The following OSGEP variants were observed in gnomAD, a reference collection of about 807,000 sequenced individuals.
OSGEP encodes tRNA N6-adenosine threonylcarbamoyltransferase.
A neutral mutation model predicts 44.1 loss-of-function variants in OSGEP; 39 were observed. That is an observed-to-expected ratio of 0.88 (90% confidence interval 0.69 to 1.16). The LOEUF is 1.16. Among genes scored for constraint, OSGEP ranks in the 50% most tolerant of loss-of-function variants. The probability of loss-of-function intolerance (pLI) is 0.00; values close to 1 mark genes in which losing one functional copy is unlikely to be tolerated. For missense variants in OSGEP, 403 were observed against 443.1 expected, an observed-to-expected ratio of 0.91 and a Z score of 0.81; for synonymous variants, 139 against 161.9, an observed-to-expected ratio of 0.86 and a Z score of 1.07.
chr14:20,449,622 C>T (rs1024331516), intron 3 of OSGEP: 4 of 259,600 alleles, frequency 1.5e-5, no homozygotes, highest in Non-Finnish European at 2.3e-5. Context: ...ATGAATCCTT[C>T]TAAATTATGA....
In OSGEP at chr14:20,449,213, A is replaced by G. The variant is rs751795666; in HGVS notation, c.465T>C (p.Ile155=). 14 of 1,613,450 alleles carry G rather than the reference A, an allele frequency of 8.7e-6. 2 individuals carry two copies. The highest frequency in any genetic ancestry group is 5.0e-5 in the Admixed American group (3 of 60,008). The change falls in exon 4 of 11, where the codon ATT becomes ATC. Residue 155 remains isoleucine, a synonymous_variant. Coordinates refer to ENST00000206542, the MANE Select transcript of OSGEP (RefSeq NM_017807.4). ...RYRIFGETID[I]AVGNCLDRFA... is the part of the protein sequence containing the mutation. ...AACGATCCAGACAATTACCCACTGC[A>G]ATATCGATGGTTTCCCCAAAGATAC...
chr14:20,452,638 CTCT>C (rs1451332196), intron 1 of OSGEP, among the ~76,000 whole-genome samples, 190 bp from the exon 2 acceptor site: 2 of 152,124 alleles, frequency 1.3e-5, no homozygotes, highest in African/African-American at 2.4e-5. Context: ...TTCAGAAATG[CTCT>C]TCTTCTTACC....
intron 10 of OSGEP, 44 bp from the exon 11 acceptor site, chr14:20,447,323 C>G: frequency 6.2e-7 from 1 of 1,612,244 alleles, no homozygotes; most frequent in South Asian, 1.1e-5. Flanking sequence ...GAGCCCTTAA[C>G]ATCCTTCATT....
chr14:20,447,863 G>T, intron 8 of OSGEP, 41 bp downstream of exon 8: 1 of 1,434,708 alleles, frequency 7.0e-7, no homozygotes, highest in South Asian at 1.1e-5. Flanking sequence ...GACGCATAGT[G>T]TTAAGAATAG....
At position 20,448,786 on chromosome 14, in the gene OSGEP, A is replaced by T. The variant is rs1305011641; in HGVS notation, c.583T>A (p.Tyr195Asn). 2 of 1,613,242 alleles carry T rather than the reference A, an allele frequency of 1.2e-6. No homozygotes were observed. Among genetic ancestry groups the T allele is most frequent in the Non-Finnish European group, 1.7e-6 (2 of 1,179,310 alleles). Reference protein sequence around the residue: ...KRGKKLVELPYTVKGMDVSFS... With the variant: ...KRGKKLVELPNTVKGMDVSFS... Reference sequence around the variant, plus strand: ...GAGACGTCCATCCCCTTTACAGTGTATGGCAGCTCAACTAGCTTCTTGCCT... The same window carrying T: ...GAGACGTCCATCCCCTTTACAGTGTTTGGCAGCTCAACTAGCTTCTTGCCT... Residue 195 changes from tyrosine to asparagine, a missense_variant, in exon 6 of 11, where the codon TAC becomes AAC. Physicochemically the swap from Tyr to Asn is moderately radical, Grantham distance 143 (BLOSUM62 -2). Transcript: ENST00000206542.
At position 20,447,443 on chromosome 14, in the gene OSGEP, C is replaced by T. The variant is rs528506377; in HGVS notation, c.947G>A (p.Ser316Asn). 10 of 1,613,908 alleles carry T rather than the reference C, an allele frequency of 6.2e-6. No individual in the cohort carries two copies. In the African/African-American group the frequency reaches 8.0e-5, roughly 13 times the overall value. ...MFRAGHRTPL[S>N]DSGVTQRYRT... ...TCACCTCTGTGTAACCCCAGAATCACTGAGTGGGGTCCTGTGTCCAGCCCG... is the reference window on the plus strand; with the variant it reads ...TCACCTCTGTGTAACCCCAGAATCATTGAGTGGGGTCCTGTGTCCAGCCCG... Residue 316 changes from serine to asparagine, a missense_variant, in exon 10 of 11, where the codon AGT becomes AAT. Ser to Asn is a conservative substitution (Grantham distance 46). Transcript: ENST00000206542.
Position 20,454,640 on chromosome 14 carries a change from C to A in OSGEP, c.44G>T (p.Gly15Val). The change falls in exon 1 of 11, where the codon GGC (glycine) becomes GTC (valine). Residue 15 changes from glycine to valine, a missense_variant. By Grantham distance (109) the Gly-to-Val change is moderately radical. Transcript: ENST00000206542. ...CTTGCCATCCCGCACCACGCCCACG[C>A]CAATCTTATTGGCGCTGCCTTCAAA... ...LGFEGSANKIGVGVVRDGKVL... is the reference protein window; with the variant it reads ...LGFEGSANKIVVGVVRDGKVL... 2 of 1,614,194 alleles carry A rather than the reference C, an allele frequency of 1.2e-6. No homozygotes were observed. The highest frequency in any genetic ancestry group is 1.7e-6 in the Non-Finnish European group (2 of 1,180,020).
chr14:20,448,290 A>G, intron 6 of OSGEP, 119 bp from the exon 7 acceptor site: 2 of 806,064 alleles, frequency 2.5e-6, no homozygotes, highest in Non-Finnish European at 4.5e-6. Flanking sequence ...TTACCAGCAC[A>G]TCCTGTACCA....
At chr14:20,447,712 G>T (rs755727290) in intron 8 of OSGEP, 22 bp from the exon 9 acceptor site, 1 of 1,591,962 alleles carries the variant, frequency 6.3e-7, no homozygotes, top group Admixed American at 1.7e-5. Flanking sequence ...CAGGGAACAG[G>T]ATTAGCTTAG....
rs776456370 is a variant in OSGEP, at chr14:20,447,984, AAC to A, written c.711_712del (p.Phe238CysfsTer28). 24 of 1,613,906 alleles carry A rather than the reference AAC, an allele frequency of 1.5e-5. No homozygotes were observed. The highest frequency in any genetic ancestry group is 2.0e-5 in the Non-Finnish European group (24 of 1,179,750). On this transcript the variant is annotated frameshift_variant, in exon 8 of 11. Transcript: ENST00000206542. LOFTEE classifies it high-confidence loss of function. ...CTCTGTGATCTCTACCAGCATTGCA[AAC>A]ACAGTTTCCTGTCAGGGACAGATAA...
Position 20,447,706 on chromosome 14 carries a change from G to C in OSGEP, c.794-16C>G. 1 of 1,602,572 alleles carries C rather than the reference G, an allele frequency of 6.2e-7. No individual in the cohort carries two copies. The highest frequency in any genetic ancestry group is 8.5e-7 in the Non-Finnish European group (1 of 1,169,738). ...CTCACATTACCTACAAAGAGGCAGG[G>C]AACAGGATTAGCTTAGTTTTAGCCA... On this transcript the variant is annotated splice_polypyrimidine_tract_variant and intron_variant, in intron 8 of 10. Coordinates refer to ENST00000206542, the MANE Select transcript of OSGEP (RefSeq NM_017807.4).
intron 1 of OSGEP, 67 bp from the exon 2 acceptor site, chr14:20,452,515 G>A: frequency 6.6e-7 from 1 of 1,524,564 alleles, no homozygotes; most frequent in Non-Finnish European, 9.0e-7. Context: ...GGAAGTTAAA[G>A]AAAGCAACAG....
In OSGEP at chr14:20,448,776, T is replaced by C; in HGVS notation, c.593A>G (p.Lys198Arg). 1 of 1,613,422 alleles carries C rather than the reference T, an allele frequency of 6.2e-7. No homozygotes were observed. The highest frequency in any genetic ancestry group is 8.5e-7 in the Non-Finnish European group (1 of 1,179,344). The change falls in exon 6 of 11, where the codon AAG becomes AGG. Residue 198 changes from lysine (K) to arginine (R), a missense_variant. Transcript: ENST00000206542. Reference sequence around the variant, plus strand: ...CCCTGAGAATGAGACGTCCATCCCCTTTACAGTGTATGGCAGCTCAACTAG... The same window carrying C: ...CCCTGAGAATGAGACGTCCATCCCCCTTACAGTGTATGGCAGCTCAACTAG... ...KKLVELPYTV[K>R]GMDVSFSGIL...
chr14:20,452,369 T>C lies in OSGEP; in HGVS notation c.195A>G (p.Gly65=). 1 of 1,614,050 alleles carries C rather than the reference T, an allele frequency of 6.2e-7. No homozygotes were observed. Among genetic ancestry groups the C allele is most frequent in the South Asian group, 1.1e-5 (1 of 91,084 alleles). ...DLLQEALTES[G]LTSQDIDCIA... is the part of the protein sequence containing the mutation. ...TGCAGTCGATATCCTGGGAGGTTAA[T>C]CCAGACTCTGTTAGTGCCTCCTGCA... The change falls in exon 2 of 11, where the codon GGA becomes GGG. Residue 65 remains glycine (G), a synonymous_variant. Coordinates refer to ENST00000206542, the MANE Select transcript of OSGEP (RefSeq NM_017807.4).
chr14:20,451,164 G>A (rs180866910), intron 3 of OSGEP: 3 of 154,506 alleles, frequency 1.9e-5, no homozygotes, highest in Non-Finnish European at 2.9e-5. Flanking sequence ...AATTTACAAA[G>A]TATTTTTTAA....
intron 4 of OSGEP, 48 bp from the exon 5 acceptor site, chr14:20,449,061 T>C: frequency 6.4e-7 from 1 of 1,553,972 alleles, no homozygotes; most frequent in East Asian, 2.2e-5. Context: ...GAGGATGAAA[T>C]CAGATATGCA....
At position 20,447,257 on chromosome 14, in the gene OSGEP, C is replaced by G. The variant is rs760289664; in HGVS notation, c.991G>C (p.Val331Leu). ...TQRYRTDEVEVTWRD is the reference protein window; with the variant it reads ...TQRYRTDEVELTWRD ...TGATCTTATTAGTCCCTCCAGGTCA[C>G]CTCTACTTCATCTGTCCGATACCTG... The change falls in exon 11 of 11, where the codon GTG becomes CTG. Residue 331 changes from valine (V) to leucine (L), a missense_variant. Physicochemically the swap from Val to Leu is conservative, Grantham distance 32. Transcript: ENST00000206542. 6.2e-7 allele frequency: 1 copy of G among 1,614,128 alleles called. No homozygotes were observed. Among genetic ancestry groups the G allele is most frequent in the East Asian group, 2.2e-5 (1 of 44,882 alleles).
rs1880966334 is a variant in OSGEP at position 20,447,104 on chromosome 14, G to T, written c.*136C>A. On this transcript the variant is annotated 3_prime_UTR_variant, in exon 11 of 11. Coordinates refer to ENST00000206542, the MANE Select transcript of OSGEP (RefSeq NM_017807.4). The stretch of plus-strand genomic sequence containing the variant: ...TATTTTATTGCTGAGTCATCCTGGG[G>T]TTCCATAAAGGACCCCAAGCCTTGC... The T allele has an allele frequency of 1.4e-6, 1 of 735,708 alleles. No individual in the cohort carries two copies. Among genetic ancestry groups the T allele is most frequent in the Middle Eastern group, 3.5e-4 (1 of 2,896 alleles). The allele number at this position is 735,708 out of a possible 1,614,324, so 45.6% of individuals were successfully genotyped here.
At chr14:20,447,853 G>A (rs775151268) in intron 8 of OSGEP, 51 bp downstream of exon 8, 21 of 1,355,070 alleles carry the variant, frequency 1.5e-5, no homozygotes, top group Middle Eastern at 1.9e-4. Flanking sequence ...CCAGGAGGAA[G>A]ACGCATAGTG....
Sources: allele counts gnomAD v4.1 joint callset (sites outside exome capture counted in the v4.1 genomes callset), GRCh38; gene constraint gnomAD v4.1.1; transcripts MANE v1.5; gene names NCBI Gene and HGNC (gene_info 2026-07-23, HGNC 2026-07-21).